Variants in FOXN3 observed in about 807,000 individuals in gnomAD.
FOXN3 encodes forkhead box protein N3.
A neutral mutation model predicts 38.4 loss-of-function variants in FOXN3; 7 were observed. The ratio of observed to expected loss-of-function variants is 0.18; its 90% CI spans 0.10 to 0.34. FOXN3 has a LOEUF of 0.34. Among genes scored for constraint, FOXN3 ranks in the 10% least tolerant of loss-of-function variants. The probability of loss-of-function intolerance (pLI) is 1.00; values close to 1 mark genes in which losing one functional copy is unlikely to be tolerated. For missense variants in FOXN3, 456 were observed against 613.4 expected (o/e 0.74, Z 2.71); for synonymous variants, 230 against 242.2 (o/e 0.95, Z 0.47).
intron 3 of FOXN3, among the ~76,000 whole-genome samples, chr14:89,313,879 G>C (rs1445767895): frequency 6.6e-6 from 1 of 152,166 alleles, no homozygotes; most frequent in Non-Finnish European, 1.5e-5. Flanking sequence ...AAAGAAGCCA[G>C]TCACAAAAGG....
intron 1 of FOXN3, among the ~76,000 whole-genome samples, chr14:89,598,350 C>A (rs1393052539): frequency 6.6e-6 from 1 of 152,072 alleles, no homozygotes; most frequent in Non-Finnish European, 1.5e-5. Flanking sequence ...CATTTCTGAG[C>A]CTTGATCGGG....
intron 4 of FOXN3, chr14:89,190,519 C>A: frequency 3.0e-6 from 4 of 1,312,690 alleles, no homozygotes; most frequent in Non-Finnish European, 3.2e-6. Flanking sequence ...TTTCCCCCTG[C>A]AAGTTACAGT....
intron 3 of FOXN3, among the ~76,000 whole-genome samples, chr14:89,300,563 A>G (rs151276580): frequency 1.3e-3 from 198 of 152,338 alleles, no homozygotes; most frequent in African/African-American, 4.5e-3. Context: ...AGTCACAGAC[A>G]AGAAAATAAC....
At chr14:89,426,417 G>T (rs1371968739) in intron 1 of FOXN3, among the ~76,000 whole-genome samples, 1 of 151,596 alleles carries the variant, frequency 6.6e-6, no homozygotes, top group Admixed American at 6.6e-5. Context: ...AGTAGAGACA[G>T]GGTTTCACCA....
At chr14:89,417,424 G>C (rs1891778015), upstream of FOXN3, 2 of 147,896 alleles carry the variant, frequency 1.4e-5, no homozygotes, top group Admixed American at 6.7e-5. Flanking sequence ...CAGGGCGGAG[G>C]CCGGGGCTGG....
At chr14:89,234,231 A>G (rs1349485243) in intron 4 of FOXN3, among the ~76,000 whole-genome samples, 4 of 152,228 alleles carry the variant, frequency 2.6e-5, no homozygotes, top group African/African-American at 9.6e-5. Context: ...CCACAAACTG[A>G]GTTCTTCAAA....
At position 89,271,072 on chromosome 14, in the gene FOXN3, T is replaced by C. The variant is rs186996751; in HGVS notation, c.745+9878A>G. 2.0e-3 allele frequency among the ~76,000 whole-genome samples: 310 copies of C among 152,226 alleles called. 3 individuals carry two copies. Among genetic ancestry groups the C allele is most frequent in the Admixed American group, 0.015 (226 of 15,300 alleles). On this transcript the variant is annotated intron_variant, in intron 4 of 5. Transcript: ENST00000557258. ...ACACACACACACACACCCACTCCCATGTCACGTGCACCGCAGCAGGTACTC... is the reference window on the plus strand; with the variant it reads ...ACACACACACACACACCCACTCCCACGTCACGTGCACCGCAGCAGGTACTC...
chr14:89,402,521 A>G (rs1891276595), intron 2 of FOXN3, among the ~76,000 whole-genome samples: 1 of 152,262 alleles, frequency 6.6e-6, no homozygotes, highest in Non-Finnish European at 1.5e-5. Flanking sequence ...CCAATGGATC[A>G]GGCAAAAGAG....
Position 89,280,998 on chromosome 14 carries a change from T to C in FOXN3, c.697A>G (p.Ile233Val), listed in dbSNP as rs201054749. 1 of 1,613,786 alleles carries C rather than the reference T, an allele frequency of 6.2e-7. No homozygotes were observed. Among genetic ancestry groups the C allele is most frequent in the Non-Finnish European group, 8.5e-7 (1 of 1,179,922 alleles). The change falls in exon 4 of 6, where the codon ATC becomes GTC. Residue 233 changes from isoleucine to valine, a missense_variant. By Grantham distance (29) the Ile-to-Val change is conservative. This residue lies in a region of FOXN3 where 386 missense variants were observed against 505.2 expected (regional missense o/e 0.76). Transcript: ENST00000557258. ...TTGAAGAAGGTACTGCCCGGCCAGATGGGTGGACCTGATGTGCTGAAAGAG... is the reference window on the plus strand; with the variant it reads ...TTGAAGAAGGTACTGCCCGGCCAGACGGGTGGACCTGATGTGCTGAAAGAG... Reference protein sequence around the residue: ...QAYQSTSGPPIWPGSTFFKRN... With the variant: ...QAYQSTSGPPVWPGSTFFKRN...
At chr14:89,344,449 T>C (rs1888708454) in intron 3 of FOXN3, among the ~76,000 whole-genome samples, 1 of 152,162 alleles carries the variant, frequency 6.6e-6, no homozygotes, top group Non-Finnish European at 1.5e-5. Context: ...ACCATACTGT[T>C]TGATTAAATG....
intron 3 of FOXN3, among the ~76,000 whole-genome samples, chr14:89,348,902 G>A (rs1566962882): frequency 6.6e-6 from 1 of 152,078 alleles, no homozygotes; most frequent in Non-Finnish European, 1.5e-5. Flanking sequence ...AATAATTACT[G>A]TGTTTCCCTC....
At chr14:89,571,236 T>C (rs1034209173) in intron 1 of FOXN3, among the ~76,000 whole-genome samples, 18 of 152,000 alleles carry the variant, frequency 1.2e-4, no homozygotes, top group Non-Finnish European at 2.5e-4. Context: ...TGGCCTGGCA[T>C]GGTGGCTCAC....
intron 1 of FOXN3, among the ~76,000 whole-genome samples, chr14:89,436,104 ATGCTG>A (rs1892270944): frequency 6.6e-6 from 1 of 151,482 alleles, no homozygotes; most frequent in Non-Finnish European, 1.5e-5. Flanking sequence ...GCCTCCCAAA[ATGCTG>A]AGATCACAGG....
At chr14:89,192,900 C>CGG (rs766939138) in intron 4 of FOXN3, among the ~76,000 whole-genome samples, 145 of 151,426 alleles carry the variant, frequency 9.6e-4, no homozygotes, top group Non-Finnish European at 1.8e-3. Flanking sequence ...CCCACTGCCC[C>CGG]GGGTCCCTTG....
chr14:89,243,362 T>A (rs951669642), intron 4 of FOXN3, among the ~76,000 whole-genome samples: 1 of 152,244 alleles, frequency 6.6e-6, no homozygotes, highest in African/African-American at 2.4e-5. Context: ...TTATTTTTAA[T>A]GTTCTTTTTA....
chr14:89,171,439 T>C (rs1408106741), intron 5 of FOXN3, among the ~76,000 whole-genome samples: 1 of 152,170 alleles, frequency 6.6e-6, no homozygotes, highest in Non-Finnish European at 1.5e-5. Context: ...TAATGTAATC[T>C]TGACACTAAA....
intron 1 of FOXN3, among the ~76,000 whole-genome samples, chr14:89,558,997 G>A (rs1895188879): frequency 6.6e-6 from 1 of 152,102 alleles, no homozygotes; most frequent in South Asian, 2.1e-4. Flanking sequence ...GCACAGCGCT[G>A]CCAAAGAAAA....
At chr14:89,289,773 G>GA (rs1272954202) in intron 3 of FOXN3, among the ~76,000 whole-genome samples, 2 of 152,002 alleles carry the variant, frequency 1.3e-5, no homozygotes, top group East Asian at 3.9e-4. Context: ...CTCACGATAA[G>GA]AAAAAAACTG....
chr14:89,281,053 C>G (rs371477389), intron 3 of FOXN3, 39 bp from the exon 4 acceptor site: 6 of 1,567,484 alleles, frequency 3.8e-6, no homozygotes, highest in Admixed American at 3.4e-5. Flanking sequence ...CCAAGTTCAT[C>G]TGCACTCACA....
Sources: allele counts gnomAD v4.1 joint callset (sites outside exome capture counted in the v4.1 genomes callset), GRCh38; gene constraint gnomAD v4.1.1; regional missense constraint gnomAD v4.1.1; transcripts MANE v1.5; gene names NCBI Gene and HGNC (gene_info 2026-07-23, HGNC 2026-07-21).